The following NAV2 variants were observed in gnomAD, a reference collection of about 807,000 sequenced individuals.
The protein encoded by NAV2 is neuron navigator 2, also known as helicase, APC down-regulated 1.
In NAV2, 54 loss-of-function variants were observed where a neutral mutation model predicts 223.2. The observed-to-expected ratio is 0.24, with a 90% confidence interval of 0.19 to 0.30. NAV2 has a LOEUF of 0.30. Among genes scored for constraint, NAV2 ranks in the 10% least tolerant of loss-of-function variants. NAV2 has a pLI of 1.00. For synonymous variants in NAV2, 1,279 were observed against 1,239.3 expected (o/e 1.03, Z -0.67); for missense variants, 2,806 against 3,147.5 (o/e 0.89, Z 2.60).
intron 11 of NAV2, among the ~76,000 whole-genome samples, chr11:20,005,253 A>T (rs866964395): frequency 2.8e-4 from 38 of 134,542 alleles, no homozygotes; most frequent in East Asian, 1.3e-3. Flanking sequence ...ATATATATAT[A>T]TTTTTTTTTT....
At chr11:19,710,886 A>G (rs2049843368), upstream of NAV2, 1 of 152,264 alleles carries the variant, frequency 6.6e-6, no homozygotes, top group Non-Finnish European at 1.5e-5. Flanking sequence ...TTCTGTCCAC[A>G]GCTTTATGCT....
chr11:19,464,122 G>A (rs994058344), intron 1 of NAV2, among the ~76,000 whole-genome samples: 8 of 152,180 alleles, frequency 5.3e-5, no homozygotes, highest in South Asian at 2.1e-4. Context: ...AGGATCAAGC[G>A]CAGAACCTGA....
rs1350967905 is a variant in NAV2, at chr11:19,964,298, T to C, written c.2645+15218T>C. On this transcript the variant is annotated intron_variant, in intron 10 of 37. Coordinates refer to ENST00000349880, the MANE Select transcript of NAV2 (RefSeq NM_145117.5). Reference sequence around the variant, plus strand: ...GCACCAGATTTGTATGTGAGGCTCCTTGGGAACAGCTTTCATTTAATGCCC... The same window carrying C: ...GCACCAGATTTGTATGTGAGGCTCCCTGGGAACAGCTTTCATTTAATGCCC... Among the ~76,000 whole-genome samples, 15 of 152,128 alleles carry C rather than the reference T, an allele frequency of 9.9e-5. 1 individual carries two copies. The highest frequency in any genetic ancestry group is 9.8e-4 in the Admixed American group (15 of 15,280).
intron 1 of NAV2, among the ~76,000 whole-genome samples, chr11:19,593,894 T>C (rs778527539): frequency 1.3e-5 from 2 of 152,170 alleles, no homozygotes; most frequent in Non-Finnish European, 2.9e-5. Flanking sequence ...GGATTGTTTG[T>C]TTTTTAATGT....
intron 10 of NAV2, among the ~76,000 whole-genome samples, chr11:19,949,709 T>C (rs1300396061): frequency 6.6e-6 from 1 of 152,204 alleles, no homozygotes; most frequent in Non-Finnish European, 1.5e-5. Flanking sequence ...CTATTCGAAA[T>C]TAGCCTGATT....
At chr11:20,073,806 T>C (rs188310580) in intron 22 of NAV2, among the ~76,000 whole-genome samples, 235 of 152,282 alleles carry the variant, frequency 1.5e-3, no homozygotes, top group African/African-American at 5.5e-3. Flanking sequence ...TTCTATTGCA[T>C]CTTATTTGAT....
chr11:19,458,609 T>C (rs987819092), intron 1 of NAV2, among the ~76,000 whole-genome samples: 10 of 152,186 alleles, frequency 6.6e-5, no homozygotes, highest in African/African-American at 1.9e-4. Context: ...GACCACCTTT[T>C]ATAGAAAAGG....
intron 10 of NAV2, 42 bp downstream of exon 10, chr11:19,949,122 G>A (rs747494458): frequency 6.5e-7 from 1 of 1,533,706 alleles, no homozygotes; most frequent in African/African-American, 1.4e-5. Context: ...GAGAAAGAGG[G>A]CTTGGCACCT....
At chr11:19,777,191 G>A (rs1452044109) in intron 1 of NAV2, among the ~76,000 whole-genome samples, 2 of 151,298 alleles carry the variant, frequency 1.3e-5, no homozygotes, top group African/African-American at 4.8e-5. Context: ...TTGATTTGGC[G>A]GAGGCGGGGA....
intron 4 of NAV2, among the ~76,000 whole-genome samples, chr11:19,874,914 T>C (rs2153069852): frequency 6.6e-6 from 1 of 152,352 alleles, no homozygotes; most frequent in East Asian, 1.9e-4. Flanking sequence ...CCCAGCACTT[T>C]GGGAGGCCGA....
intron 1 of NAV2, among the ~76,000 whole-genome samples, chr11:19,446,259 G>C (rs1004045512): frequency 6.6e-6 from 1 of 152,122 alleles, no homozygotes; most frequent in Non-Finnish European, 1.5e-5. Flanking sequence ...CTCTTGGCTA[G>C]AAAACCCCTC....
At chr11:19,363,642 G>C (rs182794137) in intron 1 of NAV2, among the ~76,000 whole-genome samples, 6 of 152,222 alleles carry the variant, frequency 3.9e-5, no homozygotes, top group African/African-American at 1.4e-4. Flanking sequence ...ATTCAATTCT[G>C]ATGCTATCTG....
At chr11:19,521,670 A>G (rs959960747) in intron 1 of NAV2, among the ~76,000 whole-genome samples, 1 of 152,156 alleles carries the variant, frequency 6.6e-6, no homozygotes, top group East Asian at 1.9e-4. Flanking sequence ...CACTTATTGA[A>G]GTCCAAGGGC....
intron 1 of NAV2, among the ~76,000 whole-genome samples, chr11:19,454,891 G>A (rs982742572): frequency 1.3e-5 from 2 of 152,190 alleles, no homozygotes; most frequent in Non-Finnish European, 2.9e-5. Flanking sequence ...TCTTCAGGGA[G>A]CAAAAAGAAG....
chr11:19,729,982 C>T (rs2051609827), intron 1 of NAV2, among the ~76,000 whole-genome samples: 4 of 152,190 alleles, frequency 2.6e-5, no homozygotes, highest in African/African-American at 9.6e-5. Flanking sequence ...CTAGCCTCCA[C>T]CTTAGGAGGT....
intron 26 of NAV2, among the ~76,000 whole-genome samples, chr11:20,084,790 G>T (rs1227038409): frequency 6.6e-6 from 1 of 152,132 alleles, no homozygotes; most frequent in African/African-American, 2.4e-5. Context: ...TCCTGACCAG[G>T]AGAAAAAGGA....
At chr11:19,459,024 T>A (rs1852058039) in intron 1 of NAV2, among the ~76,000 whole-genome samples, 1 of 152,206 alleles carries the variant, frequency 6.6e-6, no homozygotes, top group Admixed American at 6.5e-5. Flanking sequence ...TAAAAGGAGA[T>A]GAGCGTGGGA....
intron 2 of NAV2, 151 bp downstream of exon 2, chr11:19,832,752 G>C: frequency 2.9e-6 from 2 of 697,458 alleles, no homozygotes; most frequent in East Asian, 2.5e-5. Flanking sequence ...TGACTAAGTT[G>C]TGTGAGTACC....
intron 11 of NAV2, among the ~76,000 whole-genome samples, chr11:20,009,842 C>G (rs77993017): frequency 0.07 from 10,659 of 152,178 alleles, 418 homozygotes; most frequent in South Asian, 0.11. Flanking sequence ...CTTCAGGGCT[C>G]ACGTTAAATG....
Sources: gnomAD v4.1 joint callset for allele counts (sites outside exome capture counted in the v4.1 genomes callset) on GRCh38, gnomAD v4.1.1 for gene constraint, MANE v1.5 for transcripts, NCBI Gene and HGNC (gene_info 2026-07-23, HGNC 2026-07-21) for gene names.